The following TENM2 variants were observed in gnomAD, a reference collection of about 807,000 sequenced individuals.
TENM2 encodes teneurin transmembrane protein 2, also known as teneurin-2.
Under a neutral mutation model 245.2 loss-of-function variants are expected in TENM2, and 52 were observed. The ratio of observed to expected loss-of-function variants is 0.21; its 90% CI spans 0.17 to 0.27. The LOEUF is 0.27. Ranked by LOEUF, TENM2 falls within the 10% of genes least tolerant of loss-of-function variation. The probability of loss-of-function intolerance (pLI) is 1.00; values close to 1 mark genes in which losing one functional copy is unlikely to be tolerated. For synonymous variants in TENM2, 1,363 were observed against 1,438.9 expected (o/e 0.95, Z 1.19); for missense variants, 3,046 against 3,666.8 (o/e 0.83, Z 4.37).
At chr5:168,254,913 G>T (rs1200892380) in intron 27 of TENM2, among the ~76,000 whole-genome samples, 1 of 152,064 alleles carries the variant, frequency 6.6e-6, no homozygotes, top group Admixed American at 6.5e-5. Context: ...GGGGCATGGT[G>T]GTGCGTGCCT....
the TENM2 span, among the ~76,000 whole-genome samples, chr5:167,154,378 A>C: frequency 0.24 from 37,073 of 152,140 alleles, 5,844 homozygotes; most frequent in African/African-American, 0.44. Flanking sequence ...CAACACTTCT[A>C]CATTGCCTTG....
chr5:167,109,970 T>G, the TENM2 span, among the ~76,000 whole-genome samples: 1 of 152,168 alleles, frequency 6.6e-6, no homozygotes, highest in Non-Finnish European at 1.5e-5. Flanking sequence ...TCTTATTTTC[T>G]TGAGTTTTCA....
At chr5:166,982,206 C>T in the TENM2 span, among the ~76,000 whole-genome samples, 1 of 151,956 alleles carries the variant, frequency 6.6e-6, no homozygotes, top group South Asian at 2.1e-4. Context: ...GATAGGTATC[C>T]GAGACTGTTG....
chr5:167,321,127 G>T (rs545542698), intron 1 of TENM2, among the ~76,000 whole-genome samples: 2 of 152,002 alleles, frequency 1.3e-5, no homozygotes, highest in East Asian at 1.9e-4. Context: ...AGTCAGAAAA[G>T]ATTTTTATTT....
At chr5:167,859,087 ATCGTCTGAGATGTGGGGAGCG>A (rs1771395497) in intron 2 of TENM2, among the ~76,000 whole-genome samples, 1 of 97,342 alleles carries the variant, frequency 1.0e-5, no homozygotes. Flanking sequence ...CCGGCCGCCC[ATCGTCTGAGATGTGGGGAGCG>A]CCTCTGCCCC....
At chr5:166,995,806 C>T in the TENM2 span, among the ~76,000 whole-genome samples, 8 of 86,484 alleles carry the variant, frequency 9.3e-5, no homozygotes, top group African/African-American at 4.1e-4. Context: ...CAGGGCGAGA[C>T]TCCATCTCAA....
At position 167,550,405 on chromosome 5, in the gene TENM2, A is replaced by G. The variant is rs1030009380; in HGVS notation, c.502+174932A>G. On this transcript the variant is annotated intron_variant, in intron 2 of 28. Transcript: ENST00000518659. ...TTAGGATCAAAATATTAGTATAAAT[A>G]TTCTTGTTCCACCAAGGAGTCAGAA... Among the ~76,000 whole-genome samples, 4 of 152,290 alleles carry G rather than the reference A, an allele frequency of 2.6e-5. No homozygotes were observed. The East Asian group carries it at 7.7e-4, about 29-fold the overall frequency.
rs141466967 is a variant in TENM2 at position 168,114,813 on chromosome 5, G to A, written c.1814-3479G>A. Among the ~76,000 whole-genome samples, 828 of 152,298 alleles carry A rather than the reference G, an allele frequency of 5.4e-3. 13 individuals are homozygous for A. Among genetic ancestry groups the A allele is most frequent in the African/African-American group, 0.019 (790 of 41,562 alleles). Reference sequence around the variant, plus strand: ...GCGGCAAACCCTGAAGGAAGGCTGCGTTTGGAAGGTGGAGAACTCTGTGAC... The same window carrying A: ...GCGGCAAACCCTGAAGGAAGGCTGCATTTGGAAGGTGGAGAACTCTGTGAC... On this transcript the variant is annotated intron_variant, in intron 9 of 28. Transcript: ENST00000518659.
intron 2 of TENM2, among the ~76,000 whole-genome samples, chr5:167,518,523 A>G (rs1770547389): frequency 6.6e-6 from 1 of 152,220 alleles, no homozygotes; most frequent in African/African-American, 2.4e-5. Flanking sequence ...ACAATCTGAA[A>G]TGTCCAGATA....
intron 2 of TENM2, among the ~76,000 whole-genome samples, chr5:167,782,104 G>A (rs1239814329): frequency 1.3e-5 from 2 of 151,850 alleles, no homozygotes; most frequent in African/African-American, 4.8e-5. Context: ...ACCTGAGGTT[G>A]GGAGTTCGAG....
At chr5:168,200,115 A>T in exon 17 of TENM2, 1 of 1,613,154 alleles carries the variant, frequency 6.2e-7, no homozygotes. Flanking sequence ...GGGTGTATGG[A>T]CTCTCAGATG....
At chr5:168,180,290 G>A (rs887061746) in intron 13 of TENM2, among the ~76,000 whole-genome samples, 12 of 152,150 alleles carry the variant, frequency 7.9e-5, no homozygotes, top group African/African-American at 2.2e-4. Flanking sequence ...GAAATGCTGC[G>A]TACTCCATGA....
In TENM2 at chr5:168,218,756, A is replaced by G; in HGVS notation, c.4865A>G (p.Asp1622Gly). 6.2e-7 allele frequency: 1 copy of G among 1,614,042 alleles called. No individual in the cohort carries two copies. Among genetic ancestry groups the G allele is most frequent in the Non-Finnish European group, 8.5e-7 (1 of 1,179,904 alleles). The change falls in exon 23 of 29, where the codon GAC becomes GGC. Residue 1622 changes from aspartate to glycine, a missense_variant. Physicochemically the swap from Asp to Gly is moderately conservative, Grantham distance 94. Around this residue, in one of 2 missense-constraint regions of TENM2, gnomAD observed 2,704 missense variants for 3,331.9 expected, o/e 0.81. Transcript: ENST00000518659. The surrounding 1 kb of genome is among the most constrained non-coding windows in gnomAD (Gnocchi z 5.2). Reference sequence around the variant, plus strand: ...TTGTACAATTTCACATATAGTACTGACAATGATGTCACTGAATTGATTGAC... The same window carrying G: ...TTGTACAATTTCACATATAGTACTGGCAATGATGTCACTGAATTGATTGAC...
chr5:168,131,738 T>G (rs1382591491), intron 12 of TENM2, among the ~76,000 whole-genome samples: 1 of 152,166 alleles, frequency 6.6e-6, no homozygotes, highest in Non-Finnish European at 1.5e-5. Flanking sequence ...AAAACTTTTT[T>G]TTTCTTGTGG....
At chr5:168,069,616 G>A (rs895473565) in intron 7 of TENM2, among the ~76,000 whole-genome samples, 1 of 152,120 alleles carries the variant, frequency 6.6e-6, no homozygotes, top group Admixed American at 6.5e-5. Flanking sequence ...CACCATATGA[G>A]CTAGGTAGCA....
chr5:168,013,360 T>C (rs1449166059), intron 5 of TENM2, among the ~76,000 whole-genome samples: 1 of 152,090 alleles, frequency 6.6e-6, no homozygotes, highest in Admixed American at 6.5e-5. Context: ...TCCTAGCACT[T>C]TGGGAGACTG....
chr5:167,214,943 G>C, the TENM2 span, among the ~76,000 whole-genome samples: 1 of 152,032 alleles, frequency 6.6e-6, no homozygotes, highest in South Asian at 2.1e-4. Flanking sequence ...TCCTGGCCTG[G>C]ATTTTGATTA....
intron 13 of TENM2, among the ~76,000 whole-genome samples, chr5:168,188,461 G>A (rs1231392173): frequency 6.6e-6 from 1 of 152,174 alleles, no homozygotes; most frequent in Admixed American, 6.5e-5. Context: ...GAAATTCCAA[G>A]GAGCAAACAC....
At chr5:168,169,877 G>A (rs534594831) in intron 13 of TENM2, among the ~76,000 whole-genome samples, 8 of 152,354 alleles carry the variant, frequency 5.3e-5, no homozygotes, top group African/African-American at 1.4e-4. Context: ...GCAGTCCAAA[G>A]ACCTTGTGGC....
Sources: allele counts gnomAD v4.1 joint callset (sites outside exome capture counted in the v4.1 genomes callset), GRCh38; gene constraint gnomAD v4.1.1; regional missense constraint gnomAD v4.1.1; non-coding constraint Gnocchi (gnomAD v3.1); transcripts MANE v1.5; gene names NCBI Gene and HGNC (gene_info 2026-07-23, HGNC 2026-07-21).